Variants in ILKAP observed in about 807,000 individuals in gnomAD.
The protein encoded by ILKAP is integrin-linked kinase-associated serine/threonine phosphatase 2C.
In ILKAP, 11 loss-of-function variants were observed where a neutral mutation model predicts 49.1. That is an observed-to-expected ratio of 0.22 (90% CI 0.14 to 0.37). ILKAP has a LOEUF of 0.37. Ranked by LOEUF, ILKAP falls within the 10% of genes least tolerant of loss-of-function variation. The pLI is 1.00. For synonymous variants in ILKAP, 186 were observed against 192.8 expected, an observed-to-expected ratio of 0.96 and a Z score of 0.29; for missense variants, 363 against 510.8, an observed-to-expected ratio of 0.71 and a Z score of 2.79.
Position 238,189,875 on chromosome 2 carries a change from A to G in ILKAP, c.276T>C (p.Leu92=). ...AACCTTTACAAACTTTCTTTTCCAC[A>G]AGCTCTTCACTGCCATTCTTCTCTT... ...SEEEKNGSEE[L]VEKKVCKASS... The change falls in exon 4 of 12, where the codon CTT becomes CTC. Residue 92 remains leucine, a synonymous_variant. Transcript: ENST00000254654. The G allele has an allele frequency of 6.2e-7, 1 of 1,613,978 alleles. No homozygotes were observed. Among genetic ancestry groups the G allele is most frequent in the Non-Finnish European group, 8.5e-7 (1 of 1,179,874 alleles).
intron 8 of ILKAP, among the ~76,000 whole-genome samples, chr2:238,183,122 C>T (rs1421513716): frequency 6.6e-5 from 10 of 152,162 alleles, no homozygotes; most frequent in Admixed American, 5.9e-4. Context: ...TTTACAGCAT[C>T]CCCACGACTG....
rs1694288918 is a variant in ILKAP, at chr2:238,195,078, A to G, written c.56-208T>C. 1.3e-5 allele frequency among the ~76,000 whole-genome samples: 2 copies of G among 152,252 alleles called. 1 individual carries two copies. Among genetic ancestry groups the G allele is most frequent in the Non-Finnish European group, 2.9e-5 (2 of 68,048 alleles). On this transcript the variant is annotated intron_variant, in intron 1 of 11. Transcript: ENST00000254654. Reference sequence around the variant, plus strand: ...TGTTTCCAACAGTTACAGTCAACATAAAAGCAATGATTGATGCCCTAACAG... The same window carrying G: ...TGTTTCCAACAGTTACAGTCAACATGAAAGCAATGATTGATGCCCTAACAG...
At chr2:238,196,950 C>T (rs1694368317) in intron 1 of ILKAP, among the ~76,000 whole-genome samples, 4 of 152,116 alleles carry the variant, frequency 2.6e-5, no homozygotes, top group Admixed American at 2.6e-4. Context: ...CACCTATAAT[C>T]CCAGCACTTT....
intron 3 of ILKAP, among the ~76,000 whole-genome samples, chr2:238,190,881 A>T (rs959607616): frequency 1.7e-4 from 10 of 60,600 alleles, no homozygotes; most frequent in African/African-American, 2.7e-4. Context: ...TCTCTTTAAA[A>T]AAAAAAAAAA....
rs932249826 is a variant in ILKAP, at chr2:238,203,606, GCGGCCGGGCTCCACACCC to G, written c.-71_-54del. On this transcript the variant is annotated 5_prime_UTR_variant, in exon 1 of 12. Transcript: ENST00000254654. ...GCGACAGACACTCAGCCCGCGAGCA[GCGGCCGGGCTCCACACCC>G]CGGGCGGGCGGCAGCAGCGGGCGGG... 5.6e-6 allele frequency: 6 copies of G among 1,080,912 alleles called. No individual in the cohort carries two copies. Among genetic ancestry groups the G allele is most frequent in the South Asian group, 4.3e-5 (1 of 22,998 alleles). The allele number at this position is 1,080,912 out of a possible 1,614,324, so 67.0% of individuals were successfully genotyped here.
At chr2:238,188,087 G>A in intron 5 of ILKAP, 44 bp downstream of exon 5, 1 of 1,608,858 alleles carries the variant, frequency 6.2e-7, no homozygotes, top group South Asian at 1.1e-5. Flanking sequence ...TCAGAACCCA[G>A]GAGATGTTAA....
chr2:238,197,068 T>C (rs566240928), intron 1 of ILKAP, among the ~76,000 whole-genome samples: 318 of 152,024 alleles, frequency 2.1e-3, no homozygotes, highest in Non-Finnish European at 3.3e-3. Flanking sequence ...TGGTGGCGGG[T>C]GCCTGTAGCC....
intron 6 of ILKAP, 85 bp from the exon 7 acceptor site, chr2:238,184,198 TTTA>T (rs1386390007): frequency 3.5e-6 from 3 of 856,566 alleles, no homozygotes; most frequent in Non-Finnish European, 5.9e-6. Context: ...TGTTTTTTGT[TTTA>T]TTTTTTTGAG....
At chr2:238,188,050 T>C (rs1693976314) in intron 5 of ILKAP, 81 bp downstream of exon 5, 1 of 1,483,748 alleles carries the variant, frequency 6.7e-7, no homozygotes, top group Non-Finnish European at 9.3e-7. Flanking sequence ...TTCTAGTAAA[T>C]ACAAACTAGC....
At chr2:238,203,425 C>T in intron 1 of ILKAP, 74 bp downstream of exon 1, 1 of 787,514 alleles carries the variant, frequency 1.3e-6, no homozygotes, top group Non-Finnish European at 1.6e-6. Context: ...CCGCCTCAGC[C>T]GCCCCGGGCC....
At position 238,183,743 on chromosome 2, in the gene ILKAP, G is replaced by A. The variant is rs1159502184; in HGVS notation, c.627-3C>T. On this transcript the variant is annotated splice_region_variant and splice_polypyrimidine_tract_variant and intron_variant, in intron 7 of 11. Coordinates refer to ENST00000254654, the MANE Select transcript of ILKAP (RefSeq NM_030768.3). The stretch of plus-strand genomic sequence containing the variant: ...ACCCATCTTTCCAGGCAGGCTTCCT[G>A]GGGGGAAACACATCAGAAACACAGT... 7 of 1,609,060 alleles carry A rather than the reference G, an allele frequency of 4.4e-6. No individual in the cohort carries two copies. The highest frequency in any genetic ancestry group is 5.9e-6 in the Non-Finnish European group (7 of 1,177,610).
Position 238,203,514 on chromosome 2 carries a change from G to A in ILKAP, c.40C>T (p.Pro14Ser). 8.0e-7 allele frequency: 1 copy of A among 1,249,808 alleles called. No individual in the cohort carries two copies. The highest frequency in any genetic ancestry group is 2.0e-5 in the South Asian group (1 of 49,124). 77.4% of individuals were successfully genotyped at this position (1,249,808 alleles called of 1,614,324 possible). ...FGDLPEPERS[P>S]RPAAGKEAQK... is the part of the protein sequence containing the mutation. ...CGCCGCTTACCGGCAGCCGGGCGCG[G>A]CGAGCGCTCGGGCTCCGGCAGGTCC... Residue 14 changes from proline to serine, a missense_variant, in exon 1 of 12, where the codon CCG (proline) becomes TCG (serine). This residue lies in a region of ILKAP where 114 missense variants were observed against 116.0 expected (regional missense o/e 0.98). Transcript: ENST00000254654.
intron 9 of ILKAP, 121 bp from the exon 10 acceptor site, chr2:238,173,774 T>C: frequency 8.7e-7 from 1 of 1,150,438 alleles, no homozygotes; most frequent in Non-Finnish European, 1.2e-6. Context: ...GGAATTCACA[T>C]TATTAACCAC....
chr2:238,196,786 T>C (rs1040213673), intron 1 of ILKAP, among the ~76,000 whole-genome samples: 2 of 152,224 alleles, frequency 1.3e-5, no homozygotes, highest in Non-Finnish European at 1.5e-5. Context: ...AATGGGAAAA[T>C]GTATTCTAAT....
intron 5 of ILKAP, 117 bp downstream of exon 5, chr2:238,188,014 T>C (rs942173391): frequency 4.3e-6 from 5 of 1,160,214 alleles, no homozygotes; most frequent in Non-Finnish European, 6.2e-6. Flanking sequence ...GAATCACTGA[T>C]GTACAATCAA....
intron 3 of ILKAP, among the ~76,000 whole-genome samples, chr2:238,193,070 T>C (rs1048120781): frequency 6.6e-6 from 1 of 152,220 alleles, no homozygotes; most frequent in African/African-American, 2.4e-5. Flanking sequence ...CCCAAGATTA[T>C]ATATCCAAAA....
At chr2:238,183,885 A>T (rs1270484097) in intron 7 of ILKAP, 135 bp downstream of exon 7, 1 of 947,960 alleles carries the variant, frequency 1.1e-6, no homozygotes, top group Non-Finnish European at 1.6e-6. Flanking sequence ...AGATTTAGCT[A>T]ACGGTTATAA....
intron 1 of ILKAP, among the ~76,000 whole-genome samples, chr2:238,197,639 G>A (rs76111711): frequency 0.14 from 20,908 of 152,102 alleles, 1,720 homozygotes; most frequent in Middle Eastern, 0.22. Flanking sequence ...TAGCCTGGCC[G>A]CCTCTCCTCT....
At position 238,185,215 on chromosome 2, in the gene ILKAP, A is replaced by G. The variant is rs1208662114; in HGVS notation, c.498T>C (p.Asn166=). 1 of 1,613,470 alleles carries G rather than the reference A, an allele frequency of 6.2e-7. No homozygotes were observed. Among genetic ancestry groups the G allele is most frequent in the African/African-American group, 1.3e-5 (1 of 74,920 alleles). ...ATTTTCTGATTAAGTTTTGATGCAA[A>G]TTCTGTGCAGCAAATTTTGAGGCTC... ...GIRASKFAAQ[N]LHQNLIRKFP... is the part of the protein sequence containing the mutation. Residue 166 remains asparagine (N), a synonymous_variant, in exon 6 of 12, where the codon AAT becomes AAC. Coordinates refer to ENST00000254654, the MANE Select transcript of ILKAP (RefSeq NM_030768.3).
Sources: gnomAD v4.1 joint callset for allele counts (sites outside exome capture counted in the v4.1 genomes callset) on GRCh38, gnomAD v4.1.1 for gene constraint, gnomAD v4.1.1 regional missense constraint, MANE v1.5 for transcripts, NCBI Gene and HGNC (gene_info 2026-07-23, HGNC 2026-07-21) for gene names.